The following ZNF227 variants were observed in gnomAD, a reference collection of about 807,000 sequenced individuals.
ZNF227 encodes zinc finger protein 227.
Under a neutral mutation model 13.2 loss-of-function variants are expected in ZNF227, and 12 were observed. The observed-to-expected ratio is 0.91, with a 90% CI of 0.58 to 1.47. The LOEUF (loss-of-function observed/expected upper bound fraction) is 1.47. Among genes scored for constraint, ZNF227 ranks in the 40% most tolerant of loss-of-function variants. ZNF227 has a pLI of 0.00. For missense variants in ZNF227, 885 were observed against 967.5 expected (o/e 0.91, Z 1.13); for synonymous variants, 338 against 326.0 (o/e 1.04, Z -0.40).
intron 5 of ZNF227, among the ~76,000 whole-genome samples, chr19:44,231,089 A>G (rs1973785238): frequency 6.6e-6 from 1 of 151,144 alleles, no homozygotes; most frequent in Non-Finnish European, 1.5e-5. Context: ...TAAAAGTAAA[A>G]ATTAGATATT....
At chr19:44,222,143 C>T (rs1356559319) in intron 3 of ZNF227, among the ~76,000 whole-genome samples, 2 of 151,782 alleles carry the variant, frequency 1.3e-5, no homozygotes, top group Non-Finnish European at 1.5e-5. Flanking sequence ...GGTACCAGTA[C>T]CATGCTGTTT....
intron 5 of ZNF227, among the ~76,000 whole-genome samples, chr19:44,230,926 A>AAAAAAAAAAAATATATATAT (rs1555792168): frequency 8.8e-5 from 6 of 68,108 alleles, no homozygotes; most frequent in African/African-American, 3.9e-4. Flanking sequence ...AAAAAAAAAA[A>AAAAAAAAAAAATATATATAT]ATATATATAT....
chr19:44,230,424 C>G (rs1483066399), intron 5 of ZNF227, among the ~76,000 whole-genome samples: 1 of 152,192 alleles, frequency 6.6e-6, no homozygotes, highest in African/African-American at 2.4e-5. Context: ...AAGACCCTAC[C>G]TGGTCTCATC....
At chr19:44,226,500 G>A (rs538500154) in intron 3 of ZNF227, among the ~76,000 whole-genome samples, 5 of 152,196 alleles carry the variant, frequency 3.3e-5, no homozygotes, top group East Asian at 1.9e-4. Context: ...CCCCAGCCTC[G>A]CTGCCTCCTT....
At chr19:44,211,605 C>G (rs182423936), upstream of ZNF227, among the ~76,000 whole-genome samples, 83 of 152,262 alleles carry the variant, frequency 5.5e-4, no homozygotes, top group African/African-American at 1.9e-3. Flanking sequence ...TACCATATGC[C>G]AAAGCTTGTG....
intron 5 of ZNF227, 30 bp from the exon 6 acceptor site, chr19:44,234,672 C>G: frequency 6.5e-7 from 1 of 1,538,538 alleles, no homozygotes; most frequent in Non-Finnish European, 8.7e-7. Flanking sequence ...GCCCTCATCT[C>G]TAAATATTGC....
Position 44,236,996 on chromosome 19 carries a change from C to T in ZNF227, c.*166C>T. ...CAAGATGATAACACAGAACCATGAA[C>T]AGGAATAGAACTCGTATTTAGGGGA... On this transcript the variant is annotated 3_prime_UTR_variant, in exon 6 of 6. Coordinates refer to ENST00000313040, the MANE Select transcript of ZNF227 (RefSeq NM_182490.3). 1.7e-6 allele frequency: 1 copy of T among 599,716 alleles called. No individual in the cohort carries two copies. Among genetic ancestry groups the T allele is most frequent in the Non-Finnish European group, 2.8e-6 (1 of 351,606 alleles). 37.1% of individuals were successfully genotyped at this position (599,716 alleles called of 1,614,324 possible).
upstream of ZNF227, among the ~76,000 whole-genome samples, chr19:44,211,514 T>C (rs1189983505): frequency 6.6e-6 from 1 of 152,224 alleles, no homozygotes; most frequent in Non-Finnish European, 1.5e-5. Context: ...AACACTGAAG[T>C]AATAAATTTG....
intron 2 of ZNF227, among the ~76,000 whole-genome samples, chr19:44,214,071 T>G (rs575764948): frequency 6.6e-6 from 1 of 152,362 alleles, no homozygotes; most frequent in Admixed American, 6.5e-5. Flanking sequence ...TTGTATTATA[T>G]GTCAAAATGG....
chr19:44,212,391 T>TCC (rs1555787740), upstream of ZNF227: 2 of 140,812 alleles, frequency 1.4e-5, no homozygotes, highest in East Asian at 2.0e-4. Context: ...TTTTTTTTTT[T>TCC]CAAGCGCGAA....
chr19:44,231,258 G>T (rs1973808932), intron 5 of ZNF227, among the ~76,000 whole-genome samples: 2 of 151,502 alleles, frequency 1.3e-5, no homozygotes, highest in Admixed American at 1.3e-4. Context: ...GGGATTACAG[G>T]TGACCACCAC....
chr19:44,232,782 C>A (rs549554864), intron 5 of ZNF227, among the ~76,000 whole-genome samples: 34 of 151,912 alleles, frequency 2.2e-4, no homozygotes, highest in Admixed American at 2.0e-3. Context: ...ATTCTCATAT[C>A]TCAGCTTCCC....
intron 2 of ZNF227, among the ~76,000 whole-genome samples, chr19:44,215,843 C>T (rs4803691): frequency 0.26 from 39,192 of 151,704 alleles, 6,174 homozygotes; most frequent in South Asian, 0.4. Flanking sequence ...CAAAAATTAG[C>T]CAGACGTGGT....
At chr19:44,225,945 G>A (rs1973089150) in intron 3 of ZNF227, among the ~76,000 whole-genome samples, 3 of 152,122 alleles carry the variant, frequency 2.0e-5, no homozygotes, top group Admixed American at 2.0e-4. Context: ...GGTTTTTGGT[G>A]TGGATGTCCT....
rs150876619 is a variant in ZNF227, at chr19:44,236,419, T to A, written c.1989T>A (p.Asp663Glu). The A allele has an allele frequency of 1.7e-4, 273 of 1,611,370 alleles. No individual in the cohort carries two copies. Among genetic ancestry groups the A allele is most frequent in the Non-Finnish European group, 2.3e-4 (266 of 1,179,290 alleles). ...VHTGEKPYKC[D>E]VCGKGFRYSS... ...CGGGGGAAAAGCCATACAAATGTGATGTGTGTGGAAAGGGCTTTAGATACA... is the reference window on the plus strand; with the variant it reads ...CGGGGGAAAAGCCATACAAATGTGAAGTGTGTGGAAAGGGCTTTAGATACA... The change falls in exon 6 of 6, where the codon GAT becomes GAA. Residue 663 changes from aspartate (D) to glutamate (E), a missense_variant. Physicochemically the swap from Asp to Glu is conservative, Grantham distance 45. Transcript: ENST00000313040.
chr19:44,234,302 T>TTAACC (rs372858317), intron 5 of ZNF227, among the ~76,000 whole-genome samples: 42 of 152,376 alleles, frequency 2.8e-4, no homozygotes, highest in African/African-American at 9.4e-4. Context: ...TGAACTTTTC[T>TTAACC]TAACCTAACT....
chr19:44,236,730 C>A lies in ZNF227; in HGVS notation c.2300C>A (p.Thr767Asn). Residue 767 changes from threonine to asparagine, a missense_variant, in exon 6 of 6, where the codon ACT becomes AAT. By Grantham distance (65) the Thr-to-Asn change is moderately conservative. Transcript: ENST00000313040. ...CTTGAAGCCCATCAGAGAGTCCACA[C>A]TGGAGAAAAACCATACAAATGTGAC... ...ARLEAHQRVH[T>N]GEKPYKCDIC... The A allele has an allele frequency of 6.2e-7, 1 of 1,614,214 alleles. No homozygotes were observed. The highest frequency in any genetic ancestry group is 8.5e-7 in the Non-Finnish European group (1 of 1,180,032).
intron 2 of ZNF227, among the ~76,000 whole-genome samples, chr19:44,214,697 CAACTGTCAA>C (rs533859463): frequency 9.2e-5 from 14 of 152,204 alleles, no homozygotes; most frequent in African/African-American, 2.9e-4. Context: ...CAAGCATATT[CAACTGTCAA>C]AAGAGTGGTG....
In ZNF227 at chr19:44,229,940, T is replaced by TCCATGCAGGTCTCC. The variant is rs1278616733; in HGVS notation, c.271+130_271+131insAGGTCTCCCCATGC. On this transcript the variant is annotated intron_variant, in intron 5 of 5. Transcript: ENST00000313040. ...TTTCACCTGGATTATAACAATAGCTTCCATGCTGGTCTCCCCACCTCCTCC... is the reference window on the plus strand; with the variant it reads ...TTTCACCTGGATTATAACAATAGCTTCCATGCAGGTCTCCCCATGCTGGTCTCCCCACCTCCTCC... 4.0e-4 allele frequency: 206 copies of TCCATGCAGGTCTCC among 510,152 alleles called. 1 individual carries two copies. Among genetic ancestry groups the TCCATGCAGGTCTCC allele is most frequent in the Middle Eastern group, 2.7e-3 (9 of 3,392 alleles). 31.6% of individuals were successfully genotyped at this position (510,152 alleles called of 1,614,324 possible).
Sources: gnomAD v4.1 joint callset for allele counts (sites outside exome capture counted in the v4.1 genomes callset) on GRCh38, gnomAD v4.1.1 for gene constraint, MANE v1.5 for transcripts, NCBI Gene and HGNC (gene_info 2026-07-23, HGNC 2026-07-21) for gene names.